CNTN3: variants seen among roughly 807,000 people sequenced by gnomAD.
The protein encoded by CNTN3 is contactin-3.
A neutral mutation model predicts 119.1 loss-of-function variants in CNTN3; 60 were observed. The ratio of observed to expected loss-of-function variants is 0.50; its 90% CI spans 0.41 to 0.62. The LOEUF is 0.62. CNTN3 is among the 20% of genes least tolerant of loss of function. The pLI is 0.00. For synonymous variants in CNTN3, 450 were observed against 438.7 expected, an observed-to-expected ratio of 1.03 and a Z score of -0.32; for missense variants, 1,101 against 1,242.4, an observed-to-expected ratio of 0.89 and a Z score of 1.71.
At chr3:74,494,309 CA>C (rs938573631) in intron 3 of CNTN3, among the ~76,000 whole-genome samples, 3 of 151,554 alleles carry the variant, frequency 2.0e-5, no homozygotes, top group Admixed American at 2.0e-4. Flanking sequence ...GAAAGAGAAA[CA>C]AAAAAAGGAT....
rs757116029 is a variant in CNTN3 at position 74,565,792 on chromosome 3, T to C, written c.-80-44600A>G. Among the ~76,000 whole-genome samples the C allele has an allele frequency of 3.3e-5, 5 of 152,068 alleles. No homozygotes were observed. The East Asian group carries it at 9.7e-4, about 29-fold the overall frequency. On this transcript the variant is annotated intron_variant, in intron 1 of 22. Transcript: ENST00000263665. ...AAAAATAGGAAGAATGAAAACTGGG[T>C]ATATCCTGATGTATTGACATGGTTT...
chr3:74,537,494 G>A (rs1271577731), intron 1 of CNTN3, among the ~76,000 whole-genome samples: 2 of 152,120 alleles, frequency 1.3e-5, no homozygotes, highest in Non-Finnish European at 2.9e-5. Flanking sequence ...CACTAGCTAG[G>A]ACACAAGGAG....
chr3:74,266,950 G>A (rs1329217716), intron 21 of CNTN3, among the ~76,000 whole-genome samples: 1 of 152,024 alleles, frequency 6.6e-6, no homozygotes, highest in African/African-American at 2.4e-5. Context: ...TTGAATGCCT[G>A]GCCATGGAAT....
At chr3:74,603,385 A>G (rs1414397599) in intron 1 of CNTN3, among the ~76,000 whole-genome samples, 1 of 152,146 alleles carries the variant, frequency 6.6e-6, no homozygotes, top group Non-Finnish European at 1.5e-5. Context: ...AGTATCCACT[A>G]CAAAACTGTC....
intron 11 of CNTN3, among the ~76,000 whole-genome samples, chr3:74,360,730 T>G (rs1028856508): frequency 6.6e-6 from 1 of 152,160 alleles, no homozygotes; most frequent in South Asian, 2.1e-4. Context: ...GGAACCAAGG[T>G]CCCTGTTTTC....
intron 1 of CNTN3, among the ~76,000 whole-genome samples, chr3:74,568,196 A>G (rs1266980151): frequency 6.6e-6 from 1 of 152,230 alleles, no homozygotes; most frequent in Non-Finnish European, 1.5e-5. Flanking sequence ...TGATTTAATG[A>G]AGGAAAACAG....
At chr3:74,603,362 G>A (rs1704942210) in intron 1 of CNTN3, among the ~76,000 whole-genome samples, 1 of 152,060 alleles carries the variant, frequency 6.6e-6, no homozygotes, top group South Asian at 2.1e-4. Context: ...AGTGGGCCTG[G>A]ATTGGGCACC....
intron 4 of CNTN3, among the ~76,000 whole-genome samples, chr3:74,430,918 C>G (rs1201573618): frequency 1.3e-5 from 2 of 152,106 alleles, no homozygotes; most frequent in East Asian, 3.9e-4. Flanking sequence ...GGCTTGCTGA[C>G]CCCGCTTCTG....
At position 74,499,768 on chromosome 3, in the gene CNTN3, C is replaced by T; in HGVS notation, c.73G>A (p.Gly25Ser). ...GCLGGELLLQGPVFIKEPSNS... is the reference protein window; with the variant it reads ...GCLGGELLLQSPVFIKEPSNS... ...CTGGGTTCTTTGATAAATACAGGGCCTTGTAAGAGAAGCTCACCTATATGG... is the reference window on the plus strand; with the variant it reads ...CTGGGTTCTTTGATAAATACAGGGCTTTGTAAGAGAAGCTCACCTATATGG... The change falls in exon 3 of 23, where the codon GGC (glycine) becomes AGC (serine). Residue 25 changes from glycine to serine, a missense_variant. Coordinates refer to ENST00000263665, the MANE Select transcript of CNTN3 (RefSeq NM_020872.3). 1 of 1,605,070 alleles carries T rather than the reference C, an allele frequency of 6.2e-7. No individual in the cohort carries two copies. The highest frequency in any genetic ancestry group is 8.5e-7 in the Non-Finnish European group (1 of 1,176,354).
chr3:74,347,122 C>T (rs896738221), intron 11 of CNTN3, among the ~76,000 whole-genome samples: 3 of 152,142 alleles, frequency 2.0e-5, no homozygotes, highest in African/African-American at 7.2e-5. Flanking sequence ...AAGTTGGGAG[C>T]TGTATAATTC....
chr3:74,442,981 C>T (rs1701991534), intron 4 of CNTN3, among the ~76,000 whole-genome samples: 1 of 152,182 alleles, frequency 6.6e-6, no homozygotes, highest in South Asian at 2.1e-4. Flanking sequence ...TCAATATCTG[C>T]CTCCAATGAA....
At chr3:74,513,701 C>T (rs1703406643) in intron 2 of CNTN3, among the ~76,000 whole-genome samples, 1 of 151,824 alleles carries the variant, frequency 6.6e-6, no homozygotes, top group Admixed American at 6.6e-5. Flanking sequence ...GCACTCACCA[C>T]TAGCTGAGGC....
chr3:74,539,954 T>C (rs943178618), intron 1 of CNTN3, among the ~76,000 whole-genome samples: 1 of 152,098 alleles, frequency 6.6e-6, no homozygotes, highest in Non-Finnish European at 1.5e-5. Flanking sequence ...ACTGCACACA[T>C]AAAATCCAGA....
Position 74,422,845 on chromosome 3 carries a change from C to G in CNTN3, c.454+2000G>C, listed in dbSNP as rs138674895. On this transcript the variant is annotated intron_variant, in intron 5 of 22. Transcript: ENST00000263665. ...TCTAATATATCTCCCTCTTTTTACTCATAATACAACACTTCTTTTGGAAAC... is the reference window on the plus strand; with the variant it reads ...TCTAATATATCTCCCTCTTTTTACTGATAATACAACACTTCTTTTGGAAAC... 4.5e-3 allele frequency among the ~76,000 whole-genome samples: 685 copies of G among 152,240 alleles called. 7 individuals are homozygous for G. The highest frequency in any genetic ancestry group is 0.016 in the African/African-American group (657 of 41,540).
In CNTN3 at chr3:74,295,219, A is replaced by T. The variant is rs1481853520; in HGVS notation, c.2419T>A (p.Ser807Thr). Residue 807 changes from serine (S) to threonine (T), a missense_variant, in exon 19 of 23, where the codon TCT becomes ACT. By Grantham distance (58) the Ser-to-Thr change is moderately conservative. Coordinates refer to ENST00000263665, the MANE Select transcript of CNTN3 (RefSeq NM_020872.3). ...SAEEEPTVAP[S>T]QVSANSLSSS... is the part of the protein sequence containing the mutation. Reference sequence around the variant, plus strand: ...GATAGGCTATTTGCAGAGACTTGAGATGGGGCCACTGTAGGCTCTGTTCGG... The same window carrying T: ...GATAGGCTATTTGCAGAGACTTGAGTTGGGGCCACTGTAGGCTCTGTTCGG... 1.9e-6 allele frequency: 3 copies of T among 1,607,520 alleles called. No homozygotes were observed. Among genetic ancestry groups the T allele is most frequent in the Non-Finnish European group, 2.6e-6 (3 of 1,174,030 alleles).
intron 4 of CNTN3, among the ~76,000 whole-genome samples, chr3:74,441,073 T>C (rs1240376019): frequency 6.6e-6 from 1 of 152,104 alleles, no homozygotes. Flanking sequence ...TTTCAAAATT[T>C]TATAAGCAAG....
chr3:74,287,765 G>A (rs912337948), intron 19 of CNTN3, among the ~76,000 whole-genome samples: 20 of 152,134 alleles, frequency 1.3e-4, no homozygotes, highest in Admixed American at 2.6e-4. Context: ...AGGAAAGAGA[G>A]GCTGGGATAT....
chr3:74,561,834 T>C (rs756634171), intron 1 of CNTN3, among the ~76,000 whole-genome samples: 1 of 152,218 alleles, frequency 6.6e-6, no homozygotes, highest in Non-Finnish European at 1.5e-5. Flanking sequence ...TTGCAATGAA[T>C]GGATTCTTTA....
At chr3:74,553,468 G>GA (rs1385725153) in intron 1 of CNTN3, among the ~76,000 whole-genome samples, 2 of 152,128 alleles carry the variant, frequency 1.3e-5, no homozygotes, top group African/African-American at 4.8e-5. Context: ...GGATTGCTAG[G>GA]TCAAATGGTA....
Sources: gnomAD v4.1 joint callset for allele counts (sites outside exome capture counted in the v4.1 genomes callset) on GRCh38, gnomAD v4.1.1 for gene constraint, MANE v1.5 for transcripts, NCBI Gene and HGNC (gene_info 2026-07-23, HGNC 2026-07-21) for gene names.